Variants in C1orf159 observed in about 807,000 individuals in gnomAD.
C1orf159 encodes uncharacterized protein C1orf159.
In C1orf159, 19 loss-of-function variants were observed where a neutral mutation model predicts 25.6. The observed-to-expected ratio is 0.74, with a 90% confidence interval of 0.52 to 1.09. The LOEUF (loss-of-function observed/expected upper bound fraction) is 1.09. C1orf159 is among the 50% of genes least tolerant of loss of function. The pLI, the probability that C1orf159 is intolerant of heterozygous loss-of-function variation, is 0.00. For synonymous variants in C1orf159, 139 were observed against 124.7 expected, an observed-to-expected ratio of 1.12 and a Z score of -0.77; for missense variants, 274 against 290.6, an observed-to-expected ratio of 0.94 and a Z score of 0.42.
At chr1:1,099,610 C>G (rs113903828) in intron 1 of C1orf159, among the ~76,000 whole-genome samples, 1 of 149,558 alleles carries the variant, frequency 6.7e-6, no homozygotes, top group African/African-American at 2.5e-5. Flanking sequence ...TGTTTTTGGT[C>G]TATTGTTCTA....
At position 1,089,609 on chromosome 1, in the gene C1orf159, C is replaced by G. The variant is rs1423178756; in HGVS notation, c.148+744G>C. 1.3e-5 allele frequency among the ~76,000 whole-genome samples: 2 copies of G among 152,170 alleles called. No individual in the cohort carries two copies. The highest frequency in any genetic ancestry group is 4.8e-5 in the African/African-American group (2 of 41,456). On this transcript the variant is annotated intron_variant, in intron 4 of 9. Coordinates refer to ENST00000421241, the MANE Select transcript of C1orf159 (RefSeq NM_017891.5). This position sits in a 1 kb window ranked among gnomAD's most constrained non-coding sequence, Gnocchi z 7.5. ...TCTTGACCACGCCCTCCTCACGAGG[C>G]CCCTGAGTCCCCAGGAGCAGCCCTT... is the stretch of plus-strand genomic sequence containing the variant.
chr1:1,089,530 C>T lies in C1orf159; in HGVS notation c.148+823G>A, dbSNP rs913345332. Among the ~76,000 whole-genome samples, 1 of 152,140 alleles carries T rather than the reference C, an allele frequency of 6.6e-6. No homozygotes were observed. The highest frequency in any genetic ancestry group is 2.4e-5 in the African/African-American group (1 of 41,430). ...TGCCTTCCTGTGGGCTCCCCAACCC[C>T]CACGCCCAGCCTCGGACCCCCGCGC... On this transcript the variant is annotated intron_variant, in intron 4 of 9. Coordinates refer to ENST00000421241, the MANE Select transcript of C1orf159 (RefSeq NM_017891.5). The surrounding 1 kb of genome is among the most constrained non-coding windows in gnomAD (Gnocchi z 7.5).
intron 1 of C1orf159, among the ~76,000 whole-genome samples, chr1:1,099,550 GGA>G (rs1416458624): frequency 2.4e-5 from 2 of 83,250 alleles, no homozygotes; most frequent in Non-Finnish European, 4.2e-5. Context: ...TCTAAGAAAT[GGA>G]GAGAGAGAGG....
rs933364288 is a variant in C1orf159, at chr1:1,087,189, G to A, written c.260C>T (p.Ala87Val). ...TGAGCTTCTGTTCATGGGGAATGGC[G>A]CACCCGGGCCAGCAACTGTGGGATA... ...SECRSFAGPG[A>V]PFPMNRSSGT... The change falls in exon 6 of 10, where the codon GCG (alanine) becomes GTG (valine). Residue 87 changes from alanine (A) to valine (V), a missense_variant. Transcript: ENST00000421241. The surrounding 1 kb of genome is among the most constrained non-coding windows in gnomAD (Gnocchi z 8.3). 7.5e-6 allele frequency: 12 copies of A among 1,608,578 alleles called. No homozygotes were observed. The highest frequency in any genetic ancestry group is 2.2e-5 in the East Asian group (1 of 44,836).
chr1:1,087,615 C>A lies in C1orf159; in HGVS notation c.149-18G>T. The A allele has an allele frequency of 6.6e-7, 1 of 1,524,030 alleles. No homozygotes were observed. The allele number at this position is 1,524,030 out of a possible 1,614,324, so 94.4% of individuals were successfully genotyped here. ...GTAACAGCCTGCGTGGGGCAGAGGA[C>A]GGGCATGTCAGCCAAAGCAAAATCC... On this transcript the variant is annotated intron_variant, in intron 4 of 9. Coordinates refer to ENST00000421241, the MANE Select transcript of C1orf159 (RefSeq NM_017891.5). The surrounding 1 kb of genome is among the most constrained non-coding windows in gnomAD (Gnocchi z 8.3).
Position 1,087,429 on chromosome 1 carries a change from G to T in C1orf159, c.244+73C>A. 3 of 1,397,804 alleles carry T rather than the reference G, an allele frequency of 2.1e-6. No individual in the cohort carries two copies. The highest frequency in any genetic ancestry group is 1.3e-5 in the South Asian group (1 of 76,984). The allele number at this position is 1,397,804 out of a possible 1,614,324, so 86.6% of individuals were successfully genotyped here. ...GGCTCTGGGGCAAGGTGGGGACACA[G>T]ACAGCAACTCCCACAGTGTCTCCCA... On this transcript the variant is annotated intron_variant, in intron 5 of 9. Coordinates refer to ENST00000421241, the MANE Select transcript of C1orf159 (RefSeq NM_017891.5). This position sits in a 1 kb window ranked among gnomAD's most constrained non-coding sequence, Gnocchi z 8.3.
At chr1:1,113,623 G>A (rs960774013) in intron 1 of C1orf159, among the ~76,000 whole-genome samples, 33 of 152,122 alleles carry the variant, frequency 2.2e-4, no homozygotes, top group Admixed American at 3.9e-4. Flanking sequence ...TTTGATGGAC[G>A]GGTAGGAGGC....
intron 1 of C1orf159, among the ~76,000 whole-genome samples, chr1:1,100,666 A>G (rs572828595): frequency 2.0e-5 from 3 of 152,020 alleles, no homozygotes; most frequent in East Asian, 3.9e-4. Context: ...TTGTTCCTCT[A>G]TTCTCTTTCT....
intron 9 of C1orf159, chr1:1,083,736 C>T (rs370915583): frequency 7.7e-5 from 49 of 632,518 alleles, no homozygotes; most frequent in Non-Finnish European, 3.3e-5. Context: ...GGACGGGGCA[C>T]GTCCAGCCTT....
rs116556296 is a variant in C1orf159 at position 1,083,570 on chromosome 1, C to T, written c.503-583G>A. On this transcript the variant is annotated intron_variant, in intron 9 of 9. Coordinates refer to ENST00000421241, the MANE Select transcript of C1orf159 (RefSeq NM_017891.5). ...CTGGGAAGGCAGACAGCGTCCTCCC[C>T]GGAGCCTCGGGAAGCGTGTGGCCTT... 545 of 290,522 alleles carry T rather than the reference C, an allele frequency of 1.9e-3. 2 individuals carry two copies. The highest frequency in any genetic ancestry group is 0.011 in the African/African-American group (505 of 44,722). The allele number at this position is 290,522 out of a possible 1,614,324, so 18.0% of individuals were successfully genotyped here.
chr1:1,102,088 AAAAAAAAAC>A (rs1304318689), intron 1 of C1orf159, among the ~76,000 whole-genome samples: 5 of 150,962 alleles, frequency 3.3e-5, no homozygotes, highest in African/African-American at 9.8e-5. Flanking sequence ...AAAAAAAAAA[AAAAAAAAAC>A]AAACTTTTGA....
Position 1,086,115 on chromosome 1 carries a change from A to G in C1orf159, c.311-103T>C, listed in dbSNP as rs191007103. On this transcript the variant is annotated intron_variant, in intron 6 of 9. Coordinates refer to ENST00000421241, the MANE Select transcript of C1orf159 (RefSeq NM_017891.5). ...ATGGCAGATGCGCTGCTCTCTGAAC[A>G]TGCCTGAGCCTCACGGGACCGGCTG... The G allele has an allele frequency of 1.6e-4, 232 of 1,406,142 alleles. 2 individuals carry two copies. In the Admixed American group the frequency reaches 4.5e-3, roughly 27 times the overall value. 87.1% of individuals were successfully genotyped at this position (1,406,142 alleles called of 1,614,324 possible).
chr1:1,107,693 G>C (rs1488142643), intron 1 of C1orf159, among the ~76,000 whole-genome samples: 1 of 152,228 alleles, frequency 6.6e-6, no homozygotes, highest in Admixed American at 6.5e-5. Context: ...GGTGGGGTCA[G>C]ATAAGGGAAT....
chr1:1,103,943 A>T (rs1297899824), intron 1 of C1orf159, among the ~76,000 whole-genome samples: 1 of 151,512 alleles, frequency 6.6e-6, no homozygotes, highest in Non-Finnish European at 1.5e-5. Flanking sequence ...AGCCTCCCAA[A>T]ATCCTGGGAT....
At position 1,087,885 on chromosome 1, in the gene C1orf159, G is replaced by A. The variant is rs1349961979; in HGVS notation, c.149-288C>T. ...AGCACCCCGGCCCCGAGTACTCCAC[G>A]CTGCACTCTCCACGCCGAGCACCCC... On this transcript the variant is annotated intron_variant, in intron 4 of 9. Transcript: ENST00000421241. This position sits in a 1 kb window ranked among gnomAD's most constrained non-coding sequence, Gnocchi z 8.3. Among the ~76,000 whole-genome samples, 4 of 147,910 alleles carry A rather than the reference G, an allele frequency of 2.7e-5. No homozygotes were observed. The highest frequency in any genetic ancestry group is 4.0e-4 in the East Asian group (2 of 5,012).
intron 2 of C1orf159, 40 bp from the exon 3 acceptor site, chr1:1,091,605 TG>T: frequency 1.0e-6 from 1 of 1,000,186 alleles, no homozygotes; most frequent in Non-Finnish European, 1.3e-6. Flanking sequence ...AGAGATGGAG[TG>T]GGGCTGAGGC....
At chr1:1,093,630 T>G (rs1016959069) in intron 1 of C1orf159, among the ~76,000 whole-genome samples, 1 of 152,262 alleles carries the variant, frequency 6.6e-6, no homozygotes, top group Non-Finnish European at 1.5e-5. Context: ...TTATCCGCAC[T>G]TTCTTCCTTT....
rs1358315674 is a variant in C1orf159, at chr1:1,082,420, C to T, written c.*473G>A. The T allele has an allele frequency of 2.3e-5, 4 of 176,220 alleles. No individual in the cohort carries two copies. Among genetic ancestry groups the T allele is most frequent in the Non-Finnish European group, 3.7e-5 (3 of 81,602 alleles). The allele number at this position is 176,220 out of a possible 1,614,324, so 10.9% of individuals were successfully genotyped here. ...CCCACTGGCCGGGCACCGGCTGGAA[C>T]GGCACGAGGACCAGCCTCACTGTTC... On this transcript the variant is annotated 3_prime_UTR_variant, in exon 10 of 10. Transcript: ENST00000421241.
chr1:1,100,296 A>T (rs1358645830), intron 1 of C1orf159, among the ~76,000 whole-genome samples: 1 of 150,790 alleles, frequency 6.6e-6, no homozygotes, highest in Non-Finnish European at 1.5e-5. Flanking sequence ...AATTACTGTT[A>T]TGGGTAGATG....
Sources: gnomAD v4.1 joint callset for allele counts (sites outside exome capture counted in the v4.1 genomes callset) on GRCh38, gnomAD v4.1.1 for gene constraint, Gnocchi (gnomAD v3.1) non-coding constraint, MANE v1.5 for transcripts, NCBI Gene and HGNC (gene_info 2026-07-23, HGNC 2026-07-21) for gene names.